The following CLPTM1L variants were observed in gnomAD, a reference collection of about 807,000 sequenced individuals.
CLPTM1L encodes lipid scramblase CLPTM1L.
Under a neutral mutation model 70.9 loss-of-function variants are expected in CLPTM1L, and 38 were observed. That is an observed-to-expected ratio of 0.54 (90% CI 0.41 to 0.70). CLPTM1L has a LOEUF of 0.70. CLPTM1L is among the 30% of genes least tolerant of loss of function. CLPTM1L has a pLI of 0.00. For synonymous variants in CLPTM1L, 339 were observed against 299.9 expected (o/e 1.13, Z -1.35); for missense variants, 652 against 705.9 (o/e 0.92, Z 0.87).
At position 1,335,043 on chromosome 5, in the gene CLPTM1L, T is replaced by C. The variant is rs201214061; in HGVS notation, c.796+14A>G. ...GGCGGCCTCACCCAGGCGCCGGCCG[T>C]GTGCGGCACATACCGAACTGCTGCA... On this transcript the variant is annotated intron_variant, in intron 6 of 16. Transcript: ENST00000320895. The C allele has an allele frequency of 1.1e-5, 18 of 1,605,616 alleles. No homozygotes were observed. The highest frequency in any genetic ancestry group is 1.1e-4 in the East Asian group (5 of 44,770).
chr5:1,321,634 C>T lies in CLPTM1L; in HGVS notation c.1416+1G>A. Reference sequence around the variant, plus strand: ...GATTCCTCACCGGCTGTCACACTCACCTTGTAGGTGAAGGCCTTCCAGGGC... The same window carrying T: ...GATTCCTCACCGGCTGTCACACTCATCTTGTAGGTGAAGGCCTTCCAGGGC... On this transcript the variant is annotated splice_donor_variant, in intron 15 of 16. Transcript: ENST00000320895. LOFTEE classifies it high-confidence loss of function. 1 of 1,613,768 alleles carries T rather than the reference C, an allele frequency of 6.2e-7. No individual in the cohort carries two copies. Among genetic ancestry groups the T allele is most frequent in the Non-Finnish European group, 8.5e-7 (1 of 1,179,896 alleles).
intron 9 of CLPTM1L, among the ~76,000 whole-genome samples, chr5:1,326,841 G>A (rs184362901): frequency 2.5e-5 from 2 of 81,198 alleles, no homozygotes; most frequent in East Asian, 3.9e-4. Flanking sequence ...GCTCCTCCTC[G>A]ACAGACACAT....
At chr5:1,332,157 C>T in intron 7 of CLPTM1L, 1 of 458,696 alleles carries the variant, frequency 2.2e-6, no homozygotes, top group South Asian at 2.7e-5. Context: ...CAATTGGAGG[C>T]TCTGGATTCC....
chr5:1,319,376 G>A (rs919217966), intron 16 of CLPTM1L, among the ~76,000 whole-genome samples: 23 of 151,898 alleles, frequency 1.5e-4, no homozygotes, highest in East Asian at 1.2e-3. Flanking sequence ...GGCAGCCGGC[G>A]GCCAGGCCTG....
chr5:1,341,642 T>C, intron 3 of CLPTM1L, 29 bp downstream of exon 3: 2 of 1,568,984 alleles, frequency 1.3e-6, no homozygotes, highest in East Asian at 4.5e-5. Flanking sequence ...AGGCACAGCC[T>C]GTTATCAGTA....
Position 1,321,844 on chromosome 5 carries a change from C to T in CLPTM1L, c.1316-25G>A, listed in dbSNP as rs773826337. ...CCTGCAGAAAGACAGACAGCACTCA[C>T]GAGGTGCGGAGGGCCGGGCTGCCAC... On this transcript the variant is annotated intron_variant, in intron 13 of 16. Coordinates refer to ENST00000320895, the MANE Select transcript of CLPTM1L (RefSeq NM_030782.5). 6.2e-5 allele frequency: 100 copies of T among 1,607,786 alleles called. 1 individual carries two copies. Among genetic ancestry groups the T allele is most frequent in the Middle Eastern group, 5.0e-4 (3 of 5,976 alleles).
At chr5:1,334,452 G>C (rs568556994) in intron 6 of CLPTM1L, 69 bp from the exon 7 acceptor site, 27 of 1,154,782 alleles carry the variant, frequency 2.3e-5, no homozygotes, top group Non-Finnish European at 3.1e-5. Flanking sequence ...TACAAATACA[G>C]TTTTCAATAT....
rs777580261 is a variant in CLPTM1L at position 1,344,662 on chromosome 5, G to C, written c.162+18C>G. The C allele has an allele frequency of 3.2e-6, 5 of 1,545,042 alleles. 1 individual carries two copies. In the South Asian group the frequency reaches 6.0e-5, roughly 18 times the overall value. On this transcript the variant is annotated intron_variant, in intron 1 of 16. Coordinates refer to ENST00000320895, the MANE Select transcript of CLPTM1L (RefSeq NM_030782.5). ...CCCCACCCCAACCCGCCCGGCCCCCGGCCCCGCGGACGCTCACCTGCAGCT... is the reference window on the plus strand; with the variant it reads ...CCCCACCCCAACCCGCCCGGCCCCCCGCCCCGCGGACGCTCACCTGCAGCT...
chr5:1,338,774 G>A, intron 4 of CLPTM1L, 86 bp downstream of exon 4: 1 of 1,530,052 alleles, frequency 6.5e-7, no homozygotes, highest in Non-Finnish European at 9.0e-7. Context: ...GGACTCCACG[G>A]TGCAGGAGTG....
intron 12 of CLPTM1L, among the ~76,000 whole-genome samples, 176 bp downstream of exon 12, chr5:1,323,611 G>C (rs75630086): frequency 0.042 from 6,464 of 152,266 alleles, 179 homozygotes; most frequent in Non-Finnish European, 0.065. Context: ...TTACCAGGGG[G>C]ACACTGAGGC....
chr5:1,336,201 C>T (rs1291208825), intron 5 of CLPTM1L, among the ~76,000 whole-genome samples: 2 of 152,252 alleles, frequency 1.3e-5, no homozygotes, highest in African/African-American at 2.4e-5. Context: ...CTCCATCTGG[C>T]AGTGCTGGGC....
At chr5:1,333,736 AG>A in intron 7 of CLPTM1L, among the ~76,000 whole-genome samples, 1 of 150,282 alleles carries the variant, frequency 6.7e-6, no homozygotes, top group Non-Finnish European at 1.5e-5. Context: ...ACACCGGATG[AG>A]GATAAGGGGG....
At chr5:1,331,132 C>T (rs771449069) in intron 8 of CLPTM1L, 3 of 153,722 alleles carry the variant, frequency 2.0e-5, no homozygotes, top group Non-Finnish European at 2.9e-5. Flanking sequence ...CGCCGCTCCC[C>T]ACCCCACTGT....
chr5:1,343,985 A>G (rs1238642486), intron 2 of CLPTM1L, among the ~76,000 whole-genome samples: 1 of 152,208 alleles, frequency 6.6e-6, no homozygotes, highest in Non-Finnish European at 1.5e-5. Flanking sequence ...CAAGTAACTT[A>G]AGCGAACTAC....
At chr5:1,333,710 G>C in intron 7 of CLPTM1L, among the ~76,000 whole-genome samples, 1 of 142,678 alleles carries the variant, frequency 7.0e-6, no homozygotes, top group Non-Finnish European at 1.5e-5. Context: ...GAGGATAAGG[G>C]GGGACTACTG....
Position 1,344,694 on chromosome 5 carries a change from G to A in CLPTM1L, c.148C>T (p.Arg50Trp), listed in dbSNP as rs781247827. 6.4e-7 allele frequency: 1 copy of A among 1,565,682 alleles called. No homozygotes were observed. Among genetic ancestry groups the A allele is most frequent in the African/African-American group, 1.4e-5 (1 of 73,384 alleles). ...CGGACGCTCACCTGCAGCTTGGGCC[G>A]CCGCGCCAGGTAGGGCTGGATGCAG... ...ANCIQPYLAR[R>W]PKLQLSVYTT... The change falls in exon 1 of 17, where the codon CGG becomes TGG. Residue 50 changes from arginine (R) to tryptophan (W), a missense_variant. By Grantham distance (101) the Arg-to-Trp change is moderately radical. This residue lies in a region of CLPTM1L where 402 missense variants were observed against 388.2 expected (regional missense o/e 1.04). Coordinates refer to ENST00000320895, the MANE Select transcript of CLPTM1L (RefSeq NM_030782.5).
At position 1,344,757 on chromosome 5, in the gene CLPTM1L, C is replaced by T. The variant is rs1455942044; in HGVS notation, c.85G>A (p.Gly29Ser). ...YVVHTCWVMY[G>S]IVYTRPCSGD... is the part of the protein sequence containing the mutation. ...GAGCACGGGCGGGTGTAGACGATGC[C>T]GTACATGACCCAGCAGGTGTGCACC... Residue 29 changes from glycine to serine, a missense_variant, in exon 1 of 17, where the codon GGC becomes AGC. Gly to Ser is a moderately conservative substitution (Grantham distance 56). Coordinates refer to ENST00000320895, the MANE Select transcript of CLPTM1L (RefSeq NM_030782.5). 8.7e-6 allele frequency: 14 copies of T among 1,604,814 alleles called. No individual in the cohort carries two copies. Among genetic ancestry groups the T allele is most frequent in the Middle Eastern group, 1.7e-4 (1 of 6,050 alleles).
intron 9 of CLPTM1L, 125 bp downstream of exon 9, chr5:1,330,153 ACT>A (rs1752987360): frequency 1.3e-6 from 1 of 763,134 alleles, no homozygotes; most frequent in Non-Finnish European, 2.3e-6. Flanking sequence ...CTTCCAGAAC[ACT>A]GAGGCCATCG....
intron 4 of CLPTM1L, among the ~76,000 whole-genome samples, chr5:1,338,556 A>G (rs1038465536): frequency 6.6e-6 from 1 of 152,270 alleles, no homozygotes; most frequent in African/African-American, 2.4e-5. Context: ...GCCAAGTTAA[A>G]AAATCACAAG....
Sources: allele counts gnomAD v4.1 joint callset (sites outside exome capture counted in the v4.1 genomes callset), GRCh38; gene constraint gnomAD v4.1.1; regional missense constraint gnomAD v4.1.1; transcripts MANE v1.5; gene names NCBI Gene and HGNC (gene_info 2026-07-23, HGNC 2026-07-21).